Variants in AGR3 observed in about 807,000 individuals in gnomAD.
AGR3 encodes the protein anterior gradient protein 3.
A neutral mutation model predicts 24.5 loss-of-function variants in AGR3; 37 were observed. The ratio of observed to expected loss-of-function variants is 1.51; its 90% confidence interval spans 1.16 to 1.99. The LOEUF is 1.99. AGR3 is among the 30% of genes most tolerant of loss of function. The probability of loss-of-function intolerance (pLI) is 0.00; values close to 1 mark genes in which losing one functional copy is unlikely to be tolerated. For synonymous variants in AGR3, 75 were observed against 61.6 expected (o/e 1.22, Z -1.02); for missense variants, 228 against 191.1 (o/e 1.19, Z -1.14).
intron 3 of AGR3, chr7:16,865,156 G>T (rs1474355554): frequency 1.8e-5 from 13 of 740,292 alleles, no homozygotes; most frequent in Non-Finnish European, 2.9e-5. Context: ...CCAGTAGCTT[G>T]GACCTCTTGA....
intron 7 of AGR3, among the ~76,000 whole-genome samples, chr7:16,860,219 A>C (rs1781613816): frequency 6.6e-6 from 1 of 152,224 alleles, no homozygotes; most frequent in South Asian, 2.1e-4. Context: ...ATACTAGGAG[A>C]ATGGACTGTC....
chr7:16,859,154 C>G (rs1217418868), downstream of AGR3, among the ~76,000 whole-genome samples: 1 of 151,648 alleles, frequency 6.6e-6, no homozygotes, highest in Admixed American at 6.6e-5. Flanking sequence ...TCTCAGCACT[C>G]TGGCAGGCCA....
In AGR3 at chr7:16,878,487, A is replaced by T. The variant is rs367959313; in HGVS notation, c.109+23T>A. The stretch of plus-strand genomic sequence containing the variant: ...AAGCAATCCAAATGACTGAGTTTAG[A>T]AAATAAAATGAGATTACAGCACCTC... On this transcript the variant is annotated intron_variant, in intron 2 of 7. Transcript: ENST00000310398. 1.4e-5 allele frequency: 22 copies of T among 1,593,908 alleles called. No individual in the cohort carries two copies. The African/African-American group carries it at 1.9e-4, about 14-fold the overall frequency.
Position 16,860,992 on chromosome 7 carries a change from ATCT to A in AGR3, c.367+389_367+391del, listed in dbSNP as rs1174850357. On this transcript the variant is annotated intron_variant, in intron 6 of 7. Transcript: ENST00000310398. ...TTCTTAAAATCATTTTTGTTTCTTA[ATCT>A]AAAACAAATGTCAAACCAATTTATA... Among the ~76,000 whole-genome samples, 28 of 23,998 alleles carry A rather than the reference ATCT, an allele frequency of 1.2e-3. No individual in the cohort carries two copies. The East Asian group carries it at 0.057, about 49-fold the overall frequency. The allele number at this position is 23,998 out of a possible 152,430, so 15.7% of individuals were successfully genotyped here. A position where few individuals can be genotyped will look rare whatever the true frequency, so the allele number is the denominator to read the frequency against.
chr7:16,876,404 T>C (rs1361693001), intron 2 of AGR3, among the ~76,000 whole-genome samples: 1 of 152,138 alleles, frequency 6.6e-6, no homozygotes, highest in Non-Finnish European at 1.5e-5. Flanking sequence ...GAAATTGGAT[T>C]TTTTTTGGAT....
intron 3 of AGR3, among the ~76,000 whole-genome samples, chr7:16,868,637 C>CAGAA (rs1249303120): frequency 1.3e-5 from 2 of 152,190 alleles, no homozygotes; most frequent in African/African-American, 2.4e-5. Flanking sequence ...CTTTGCTGTA[C>CAGAA]AGAAGCTTTT....
At chr7:16,877,405 C>T (rs888843411) in intron 2 of AGR3, among the ~76,000 whole-genome samples, 4 of 149,954 alleles carry the variant, frequency 2.7e-5, no homozygotes, top group Non-Finnish European at 5.9e-5. Context: ...TCAAAACTAG[C>T]AGTATTACTC....
At position 16,873,772 on chromosome 7, in the gene AGR3, C is replaced by G; in HGVS notation, c.173+8G>C. ...AAAAGGAAAAAAATGAGCTGAGAAG[C>G]ATGTTACCTTTTTTGAGCATAAAAG... On this transcript the variant is annotated splice_region_variant and intron_variant, in intron 3 of 7. Coordinates refer to ENST00000310398, the MANE Select transcript of AGR3 (RefSeq NM_176813.5). The G allele has an allele frequency of 6.2e-7, 1 of 1,601,374 alleles. No homozygotes were observed. Among genetic ancestry groups the G allele is most frequent in the Non-Finnish European group, 8.6e-7 (1 of 1,168,880 alleles).
intron 3 of AGR3, chr7:16,865,145 A>G: frequency 4.1e-6 from 3 of 738,246 alleles, no homozygotes; most frequent in Non-Finnish European, 7.3e-6. Flanking sequence ...CGTCTTTGCC[A>G]CCAGTAGCTT....
intron 3 of AGR3, among the ~76,000 whole-genome samples, chr7:16,871,445 G>A (rs998343188): frequency 6.6e-6 from 1 of 152,000 alleles, no homozygotes; most frequent in Non-Finnish European, 1.5e-5. Flanking sequence ...TAAAATTAAC[G>A]GAGAGTGGAG....
Position 16,862,668 on chromosome 7 carries a change from C to A in AGR3, c.174-6G>T. On this transcript the variant is annotated splice_region_variant and splice_polypyrimidine_tract_variant and intron_variant, in intron 3 of 7. Transcript: ENST00000310398. ...TAACCATTAATGGCTTCTTACTAAA[C>A]AAAGAAAGTATGGAATTAAGTCAAA... 3 of 1,541,018 alleles carry A rather than the reference C, an allele frequency of 1.9e-6. No individual in the cohort carries two copies. Among genetic ancestry groups the A allele is most frequent in the South Asian group, 1.3e-5 (1 of 78,686 alleles).
chr7:16,862,137 A>C, intron 4 of AGR3, 77 bp from the exon 5 acceptor site: 1 of 1,131,540 alleles, frequency 8.8e-7, no homozygotes, highest in Non-Finnish European at 1.3e-6. Flanking sequence ...AATAAAGCTA[A>C]TATTTAGCAT....
At chr7:16,862,462 C>A in intron 4 of AGR3, 148 bp downstream of exon 4, 1 of 456,980 alleles carries the variant, frequency 2.2e-6, no homozygotes, top group Middle Eastern at 6.0e-4. Flanking sequence ...CTTTAAGCAC[C>A]TTAGTAAAAT....
At chr7:16,873,472 T>A in intron 3 of AGR3, 1 of 236,708 alleles carries the variant, frequency 4.2e-6, no homozygotes, top group East Asian at 9.1e-5. Context: ...AAGGAGAGGT[T>A]GATTAATAGA....
chr7:16,865,408 G>T (rs944295942), intron 3 of AGR3: 3 of 962,090 alleles, frequency 3.1e-6, no homozygotes, highest in Non-Finnish European at 5.0e-6. Flanking sequence ...GTCACTATTC[G>T]ATTAAGAAAT....
At chr7:16,877,635 G>A (rs1451843169) in intron 2 of AGR3, among the ~76,000 whole-genome samples, 4 of 151,692 alleles carry the variant, frequency 2.6e-5, no homozygotes, top group Admixed American at 6.6e-5. Flanking sequence ...AGGCCGAGGC[G>A]GGCGGATCAC....
chr7:16,860,415 G>A (rs954317506), intron 7 of AGR3, 85 bp downstream of exon 7: 1 of 987,960 alleles, frequency 1.0e-6, no homozygotes, highest in Non-Finnish European at 1.6e-6. Flanking sequence ...GTGTGTAGAA[G>A]CACTGATGTA....
At chr7:16,862,458 G>A in intron 4 of AGR3, 152 bp downstream of exon 4, 1 of 450,870 alleles carries the variant, frequency 2.2e-6, no homozygotes, top group Non-Finnish European at 3.9e-6. Context: ...TGGTCTTTAA[G>A]CACCTTAGTA....
At chr7:16,864,778 T>C in intron 3 of AGR3, 1 of 1,070,218 alleles carries the variant, frequency 9.3e-7, no homozygotes, top group Non-Finnish European at 1.5e-6. Flanking sequence ...GCAATGAGCA[T>C]ATCCTCCGGC....
Sources: allele counts gnomAD v4.1 joint callset (sites outside exome capture counted in the v4.1 genomes callset), GRCh38; gene constraint gnomAD v4.1.1; transcripts MANE v1.5; gene names NCBI Gene and HGNC (gene_info 2026-07-23, HGNC 2026-07-21).